The following PPIP5K2 variants were observed in gnomAD, a reference collection of about 807,000 sequenced individuals.
PPIP5K2 encodes diphosphoinositol pentakisphosphate kinase 2, also known as inositol hexakisphosphate and diphosphoinositol-pentakisphosphate kinase 2.
A neutral mutation model predicts 154.6 loss-of-function variants in PPIP5K2; 105 were observed. That is an observed-to-expected ratio of 0.68 (90% CI 0.58 to 0.80). The LOEUF (loss-of-function observed/expected upper bound fraction) is 0.80, where lower values mean the gene tolerates loss of function less well. PPIP5K2 is among the 30% of genes least tolerant of loss of function. PPIP5K2 has a pLI of 0.00. For missense variants in PPIP5K2, 992 were observed against 1,504.6 expected (o/e 0.66, Z 5.64); for synonymous variants, 480 against 490.3 (o/e 0.98, Z 0.28).
rs1803172040 is a variant in PPIP5K2, at chr5:103,202,546, C to A, written c.*912C>A. The A allele has an allele frequency of 6.6e-6, 1 of 152,102 alleles. No homozygotes were observed. Among genetic ancestry groups the A allele is most frequent in the South Asian group, 2.1e-4 (1 of 4,830 alleles). 9.4% of individuals were successfully genotyped at this position (152,102 alleles called of 1,614,324 possible). On this transcript the variant is annotated 3_prime_UTR_variant, in exon 31 of 31. Transcript: ENST00000358359. Reference sequence around the variant, plus strand: ...TATTATGTATAGCATCTGTTTTTAACCATTTCCATTCTTATCCCTAGTGTA... The same window carrying A: ...TATTATGTATAGCATCTGTTTTTAAACATTTCCATTCTTATCCCTAGTGTA...
chr5:103,124,228 C>G (rs543639030), intron 1 of PPIP5K2, among the ~76,000 whole-genome samples: 1 of 146,764 alleles, frequency 6.8e-6, no homozygotes, highest in East Asian at 2.0e-4. Flanking sequence ...TGTAGTGAGC[C>G]GAGATCGTGC....
chr5:103,182,332 C>T (rs531983998), intron 24 of PPIP5K2, among the ~76,000 whole-genome samples: 48 of 152,204 alleles, frequency 3.2e-4, no homozygotes, highest in Non-Finnish European at 5.6e-4. Context: ...ATCTTTAAAA[C>T]GCAAAACACA....
rs143580481 is a variant in PPIP5K2 at position 103,122,778 on chromosome 5, G to A, written c.-285+2290G>A. On this transcript the variant is annotated intron_variant, in intron 1 of 30. Coordinates refer to ENST00000358359, the MANE Select transcript of PPIP5K2 (RefSeq NM_001276277.3). ...CAGAGATTTACTAGTTTATAGTTGG[G>A]CTCCTGAGGGAACCCATGAAAAGGG... 7.8e-3 allele frequency among the ~76,000 whole-genome samples: 1,181 copies of A among 152,282 alleles called. 11 individuals carry two copies. Among genetic ancestry groups the A allele is most frequent in the Non-Finnish European group, 9.1e-3 (622 of 68,010 alleles).
At chr5:103,141,058 G>A (rs1235186990) in intron 5 of PPIP5K2, among the ~76,000 whole-genome samples, 2 of 151,994 alleles carry the variant, frequency 1.3e-5, no homozygotes, top group African/African-American at 2.4e-5. Flanking sequence ...TCTGGGCCGG[G>A]TGCAGTGGCT....
chr5:103,137,103 T>A (rs1408327806), intron 4 of PPIP5K2, among the ~76,000 whole-genome samples: 1 of 152,132 alleles, frequency 6.6e-6, no homozygotes, highest in Admixed American at 6.5e-5. Context: ...TTCAAACTTA[T>A]GAGCACTTTT....
chr5:103,133,586 T>C lies in PPIP5K2; in HGVS notation c.248T>C (p.Ile83Thr). ...ITVVVFEEEV[I>T]LNEPVENWPL... is the part of the protein sequence containing the mutation. ...GTAGTAGTATTTGAAGAGGAGGTTATTTTGAATGAACCAGTGGAAAACTGG... is the reference window on the plus strand; with the variant it reads ...GTAGTAGTATTTGAAGAGGAGGTTACTTTGAATGAACCAGTGGAAAACTGG... The change falls in exon 3 of 31, where the codon ATT becomes ACT. Residue 83 changes from isoleucine to threonine, a missense_variant. This residue lies in a region of PPIP5K2 where 153 missense variants were observed against 200.4 expected (regional missense o/e 0.76). Coordinates refer to ENST00000358359, the MANE Select transcript of PPIP5K2 (RefSeq NM_001276277.3). 6.2e-7 allele frequency: 1 copy of C among 1,612,694 alleles called. No individual in the cohort carries two copies. The highest frequency in any genetic ancestry group is 8.5e-7 in the Non-Finnish European group (1 of 1,179,440).
chr5:103,205,089 T>C lies in PPIP5K2; in HGVS notation c.*3455T>C, dbSNP rs540836568. 3 of 152,286 alleles carry C rather than the reference T, an allele frequency of 2.0e-5. No homozygotes were observed. Among genetic ancestry groups the C allele is most frequent in the Admixed American group, 2.0e-4 (3 of 15,296 alleles). The allele number at this position is 152,286 out of a possible 1,614,324, so 9.4% of individuals were successfully genotyped here. A position where few individuals can be genotyped will look rare whatever the true frequency, so the allele number is the denominator to read the frequency against. On this transcript the variant is annotated 3_prime_UTR_variant, in exon 31 of 31. Coordinates refer to ENST00000358359, the MANE Select transcript of PPIP5K2 (RefSeq NM_001276277.3). ...GTTCTCATTGTTCAGTTCCCTCTTA[T>C]GAGTGAGAACATGCGGTGTTTGGTT...
At chr5:103,199,130 A>G (rs1457886006) in intron 30 of PPIP5K2, among the ~76,000 whole-genome samples, 1 of 152,138 alleles carries the variant, frequency 6.6e-6, no homozygotes, top group Non-Finnish European at 1.5e-5. Flanking sequence ...TATATTATAA[A>G]CACTACAATA....
intron 27 of PPIP5K2, among the ~76,000 whole-genome samples, chr5:103,186,889 C>T (rs1336742843): frequency 6.6e-6 from 1 of 152,106 alleles, no homozygotes; most frequent in Non-Finnish European, 1.5e-5. Context: ...TTTAGGATCA[C>T]TAGCTGAAGG....
At chr5:103,122,782 C>T (rs1259236770) in intron 1 of PPIP5K2, among the ~76,000 whole-genome samples, 1 of 152,160 alleles carries the variant, frequency 6.6e-6, no homozygotes, top group Non-Finnish European at 1.5e-5. Flanking sequence ...AGTTGGGCTC[C>T]TGAGGGAACC....
At chr5:103,144,951 A>C (rs782011258) in intron 5 of PPIP5K2, among the ~76,000 whole-genome samples, 3 of 152,158 alleles carry the variant, frequency 2.0e-5, no homozygotes, top group Non-Finnish European at 2.9e-5. Flanking sequence ...ACAGCAAAGG[A>C]AACAATACAG....
chr5:103,196,879 ACTGT>A (rs1301222414), intron 30 of PPIP5K2, among the ~76,000 whole-genome samples: 1 of 152,150 alleles, frequency 6.6e-6, no homozygotes, highest in African/African-American at 2.4e-5. Context: ...GTAGCATGTC[ACTGT>A]CTGGGATAAG....
chr5:103,198,999 A>G (rs1802555634), intron 30 of PPIP5K2, among the ~76,000 whole-genome samples: 1 of 151,500 alleles, frequency 6.6e-6, no homozygotes, highest in South Asian at 2.1e-4. Context: ...TTCACCATCT[A>G]CTTAGGGTTA....
rs782219353 is a variant in PPIP5K2, at chr5:103,136,776, C to T, written c.355C>T (p.Pro119Ser). 4 of 1,613,796 alleles carry T rather than the reference C, an allele frequency of 2.5e-6. No individual in the cohort carries two copies. The highest frequency in any genetic ancestry group is 3.4e-6 in the Non-Finnish European group (4 of 1,179,844). Reference protein sequence around the residue: ...KAVAYAKLRNPFVINDLNMQY... With the variant: ...KAVAYAKLRNSFVINDLNMQY... ...GGTTGCCTATGCAAAACTCAGGAAT[C>T]CATTTGTAATCAATGACTTGAATAT... The change falls in exon 4 of 31, where the codon CCA (proline) becomes TCA (serine). Residue 119 changes from proline (P) to serine (S), a missense_variant. This residue lies in a region of PPIP5K2 where 153 missense variants were observed against 200.4 expected (regional missense o/e 0.76). Transcript: ENST00000358359.
At chr5:103,199,900 T>A (rs1193320301) in intron 30 of PPIP5K2, among the ~76,000 whole-genome samples, 1 of 152,208 alleles carries the variant, frequency 6.6e-6, no homozygotes, top group Admixed American at 6.5e-5. Context: ...TTAAAATTCT[T>A]GTCTGTTAAT....
chr5:103,186,550 G>A, intron 27 of PPIP5K2, 111 bp downstream of exon 27: 1 of 1,464,630 alleles, frequency 6.8e-7, no homozygotes, highest in Non-Finnish European at 9.3e-7. Flanking sequence ...GTGAAATCCT[G>A]TCATCTTTTG....
In PPIP5K2 at chr5:103,207,202, G is replaced by A; in HGVS notation, c.*5568G>A. The A allele has an allele frequency of 6.6e-6, 1 of 152,194 alleles. No individual in the cohort carries two copies. 9.4% of individuals were successfully genotyped at this position (152,194 alleles called of 1,614,324 possible). On this transcript the variant is annotated 3_prime_UTR_variant, in exon 31 of 31. Coordinates refer to ENST00000358359, the MANE Select transcript of PPIP5K2 (RefSeq NM_001276277.3). ...CCTGTCAGGCAAAGCCTTTGTAATT[G>A]CTTATGGTCAGGCCTGAAAGATCAC...
rs1483094017 is a variant in PPIP5K2, at chr5:103,154,911, A to G, written c.1371A>G (p.Pro457=). Residue 457 remains proline, a synonymous_variant, in exon 13 of 31, where the codon CCA becomes CCG. Transcript: ENST00000358359. The part of the protein sequence containing the change: ...NNDSEIEENK[P]KLEQLKTVLE... ...ATTCTGAAATTGAAGAAAACAAGCC[A>G]AAACTTGAACAACTTAAGACTGTAT... 1.2e-6 allele frequency: 2 copies of G among 1,604,526 alleles called. No individual in the cohort carries two copies. The highest frequency in any genetic ancestry group is 1.7e-6 in the Non-Finnish European group (2 of 1,176,100).
intron 1 of PPIP5K2, among the ~76,000 whole-genome samples, chr5:103,122,557 G>A (rs1391387233): frequency 6.6e-6 from 1 of 152,182 alleles, no homozygotes; most frequent in South Asian, 2.1e-4. Flanking sequence ...TTATAAATGA[G>A]CCAGGTTGCC....
Sources: gnomAD v4.1 joint callset for allele counts (sites outside exome capture counted in the v4.1 genomes callset) on GRCh38, gnomAD v4.1.1 for gene constraint, gnomAD v4.1.1 regional missense constraint, MANE v1.5 for transcripts, NCBI Gene and HGNC (gene_info 2026-07-23, HGNC 2026-07-21) for gene names.